The following ATP6V0A4 variants were observed in gnomAD, a reference collection of about 807,000 sequenced individuals.
ATP6V0A4 encodes ATPase H+ transporting V0 subunit a4.
Under a neutral mutation model 107.3 loss-of-function variants are expected in ATP6V0A4, and 86 were observed. The observed-to-expected ratio is 0.80, with a 90% CI of 0.67 to 0.96. ATP6V0A4 has a LOEUF of 0.96. Ranked by LOEUF, ATP6V0A4 falls within the 40% of genes least tolerant of loss-of-function variation. ATP6V0A4 has a pLI of 0.00. For missense variants in ATP6V0A4, 908 were observed against 1,045.6 expected, an observed-to-expected ratio of 0.87 and a Z score of 1.81; for synonymous variants, 353 against 381.4, an observed-to-expected ratio of 0.93 and a Z score of 0.87.
At chr7:138,740,092 T>G (rs1242944764) in intron 14 of ATP6V0A4, among the ~76,000 whole-genome samples, 4 of 100,602 alleles carry the variant, frequency 4.0e-5, no homozygotes, top group East Asian at 5.0e-4. Flanking sequence ...GAGACTCTGT[T>G]GAAAGGAAAA....
chr7:138,755,860 T>A, intron 9 of ATP6V0A4, 78 bp from the exon 10 acceptor site: 1 of 1,572,972 alleles, frequency 6.4e-7, no homozygotes, highest in South Asian at 1.1e-5. Flanking sequence ...TGCTAAGACA[T>A]CGTTTGCTGA....
Position 138,721,935 on chromosome 7 carries a change from C to T in ATP6V0A4, c.2101G>A (p.Ala701Thr). 1 of 1,614,136 alleles carries T rather than the reference C, an allele frequency of 6.2e-7. No homozygotes were observed. Among genetic ancestry groups the T allele is most frequent in the Non-Finnish European group, 8.5e-7 (1 of 1,180,024 alleles). The stretch of plus-strand genomic sequence containing the variant: ...TCGTCCAGAGCCCCGTGGGTATCTG[C>T]AGAAGTCCTCTGGCCAGAACGGCTA... Reference protein sequence around the residue: ...PSSRSGQRTSADTHGALDDHG... With the variant: ...PSSRSGQRTSTDTHGALDDHG... The change falls in exon 19 of 22, where the codon GCA (alanine) becomes ACA (threonine). Residue 701 changes from alanine to threonine, a missense_variant. Coordinates refer to ENST00000310018, the MANE Select transcript of ATP6V0A4 (RefSeq NM_020632.3).
At chr7:138,720,346 A>G (rs529102423) in intron 19 of ATP6V0A4, among the ~76,000 whole-genome samples, 100 of 152,292 alleles carry the variant, frequency 6.6e-4, no homozygotes, top group African/African-American at 2.4e-3. Flanking sequence ...AAAGAGGTCC[A>G]TGAATGGTGA....
chr7:138,779,456 A>G (rs987176418), intron 2 of ATP6V0A4, among the ~76,000 whole-genome samples: 1 of 152,226 alleles, frequency 6.6e-6, no homozygotes, highest in Non-Finnish European at 1.5e-5. Flanking sequence ...TAATCTATTC[A>G]AGAAATACCC....
chr7:138,732,814 AG>A, intron 17 of ATP6V0A4, 62 bp downstream of exon 17: 1 of 1,412,258 alleles, frequency 7.1e-7, no homozygotes, highest in Non-Finnish European at 9.6e-7. Flanking sequence ...AAAGAGTAGG[AG>A]AGAAATTTGA....
intron 13 of ATP6V0A4, chr7:138,745,482 T>A (rs1201477437): frequency 7.6e-6 from 2 of 263,402 alleles, no homozygotes; most frequent in Non-Finnish European, 1.2e-5. Flanking sequence ...CAAAAAGTCC[T>A]AGGCTGGTAT....
intron 11 of ATP6V0A4, among the ~76,000 whole-genome samples, chr7:138,752,023 A>G (rs964395449): frequency 2.6e-5 from 4 of 152,100 alleles, no homozygotes; most frequent in African/African-American, 9.7e-5. Context: ...TTAATAAGAA[A>G]AAAAAGACAA....
In ATP6V0A4 at chr7:138,797,208, CTTTTTTTT is replaced by C. The variant is rs3842142; in HGVS notation, c.-121+818_-121+825del. On this transcript the variant is annotated intron_variant, in intron 1 of 21. Transcript: ENST00000310018. ...CAAGGCCCAGGCCAAATGCCATTTTCTTTTTTTTTTTTTTTTTTTTTTTGGAGATGGAG... is the reference window on the plus strand; with the variant it reads ...CAAGGCCCAGGCCAAATGCCATTTTCTTTTTTTTTTTTTTTGGAGATGGAG... Among the ~76,000 whole-genome samples, 392 of 96,108 alleles carry C rather than the reference CTTTTTTTT, an allele frequency of 4.1e-3. 1 individual carries two copies. The highest frequency in any genetic ancestry group is 0.015 in the African/African-American group (378 of 25,184). 63.1% of individuals were successfully genotyped at this position (96,108 alleles called of 152,430 possible).
chr7:138,740,427 T>C (rs1805571760), intron 14 of ATP6V0A4, among the ~76,000 whole-genome samples: 1 of 149,264 alleles, frequency 6.7e-6, no homozygotes, highest in South Asian at 2.1e-4. Flanking sequence ...GAAATTTCTT[T>C]TTTTTTTTTT....
chr7:138,783,188 G>T (rs7777456), intron 2 of ATP6V0A4, among the ~76,000 whole-genome samples: 6,122 of 152,186 alleles, frequency 0.04, 156 homozygotes, highest in African/African-American at 0.073. Flanking sequence ...CCAGGAGAGG[G>T]TTTTATTTAT....
intron 1 of ATP6V0A4, among the ~76,000 whole-genome samples, chr7:138,791,515 C>T (rs1808410841): frequency 6.6e-6 from 1 of 152,158 alleles, no homozygotes; most frequent in Non-Finnish European, 1.5e-5. Context: ...GGAATCCATA[C>T]TTCAGCACAT....
At chr7:138,740,100 A>G (rs1190871942) in intron 14 of ATP6V0A4, among the ~76,000 whole-genome samples, 1 of 148,026 alleles carries the variant, frequency 6.8e-6, no homozygotes, top group Non-Finnish European at 1.5e-5. Flanking sequence ...GTTGAAAGGA[A>G]AAAAAAAAAA....
chr7:138,758,429 T>C (rs1476043973), intron 8 of ATP6V0A4, among the ~76,000 whole-genome samples: 1 of 152,212 alleles, frequency 6.6e-6, no homozygotes, highest in Non-Finnish European at 1.5e-5. Flanking sequence ...TTGTTTTTCA[T>C]CAAAATGAAT....
chr7:138,711,424 T>C (rs3823503), intron 20 of ATP6V0A4, among the ~76,000 whole-genome samples: 16,728 of 152,242 alleles, frequency 0.11, 1,172 homozygotes, highest in African/African-American at 0.19. Flanking sequence ...CAGCCTGGGA[T>C]ATGCACCTTG....
At chr7:138,730,341 A>AGT (rs369725759) in intron 17 of ATP6V0A4, among the ~76,000 whole-genome samples, 5,109 of 140,012 alleles carry the variant, frequency 0.036, 152 homozygotes, top group African/African-American at 0.087. Flanking sequence ...CAACGGGATG[A>AGT]GTGTGTGTGT....
chr7:138,788,013 G>GA (rs1235928614), intron 1 of ATP6V0A4, among the ~76,000 whole-genome samples: 9 of 151,620 alleles, frequency 5.9e-5, no homozygotes, highest in Admixed American at 2.6e-4. Context: ...AACGGAAAAA[G>GA]AAAAAAAGAG....
intron 12 of ATP6V0A4, 174 bp from the exon 13 acceptor site, chr7:138,747,738 T>C (rs1806027439): frequency 2.8e-6 from 3 of 1,067,616 alleles, no homozygotes; most frequent in Non-Finnish European, 4.0e-6. Context: ...AATGAGTGCA[T>C]CTGTTCCTAG....
At chr7:138,786,581 G>GAAA (rs35642413) in intron 1 of ATP6V0A4, among the ~76,000 whole-genome samples, 3 of 146,156 alleles carry the variant, frequency 2.1e-5, no homozygotes, top group Non-Finnish European at 4.5e-5. Flanking sequence ...CTTGTCTCAG[G>GAAA]AAAAAAAAAA....
chr7:138,751,137 C>T (rs1482756514), intron 11 of ATP6V0A4, among the ~76,000 whole-genome samples: 2 of 152,134 alleles, frequency 1.3e-5, no homozygotes, highest in Non-Finnish European at 2.9e-5. Context: ...AGCTGCATGC[C>T]ACCCACTCCT....
Sources: gnomAD v4.1 joint callset for allele counts (sites outside exome capture counted in the v4.1 genomes callset) on GRCh38, gnomAD v4.1.1 for gene constraint, MANE v1.5 for transcripts, NCBI Gene and HGNC (gene_info 2026-07-23, HGNC 2026-07-21) for gene names.